Variants in MECOM observed in about 807,000 individuals in gnomAD.
The protein encoded by MECOM is histone-lysine N-methyltransferase MECOM.
MECOM carries 13 observed loss-of-function variants against 116.3 expected under a neutral mutation model. The ratio of observed to expected loss-of-function variants is 0.11; its 90% CI spans 0.07 to 0.18. The LOEUF (loss-of-function observed/expected upper bound fraction) is 0.18, where lower values mean the gene tolerates loss of function less well. Among genes scored for constraint, MECOM ranks in the 10% least tolerant of loss-of-function variants. MECOM has a pLI of 1.00. For synonymous variants in MECOM, 528 were observed against 535.2 expected, an observed-to-expected ratio of 0.99 and a Z score of 0.19; for missense variants, 1,299 against 1,509.0, an observed-to-expected ratio of 0.86 and a Z score of 2.31.
intron 2 of MECOM, among the ~76,000 whole-genome samples, chr3:169,355,931 G>C (rs2149814229): frequency 6.6e-6 from 1 of 151,798 alleles, no homozygotes; most frequent in South Asian, 2.1e-4. Context: ...TGTTTTTGAT[G>C]GGGATTTTTC....
intron 2 of MECOM, among the ~76,000 whole-genome samples, chr3:169,178,556 C>T (rs548937709): frequency 6.6e-6 from 1 of 152,186 alleles, no homozygotes; most frequent in African/African-American, 2.4e-5. Context: ...AGTTTCTGGC[C>T]ATCTATTTAG....
At chr3:169,252,405 G>A (rs532386793) in intron 2 of MECOM, among the ~76,000 whole-genome samples, 4 of 150,284 alleles carry the variant, frequency 2.7e-5, no homozygotes, top group East Asian at 3.9e-4. Context: ...GTTAGAAAAC[G>A]GAGATTTATG....
At chr3:169,472,393 A>G (rs1036585087) in intron 1 of MECOM, among the ~76,000 whole-genome samples, 2 of 148,568 alleles carry the variant, frequency 1.3e-5, no homozygotes, top group African/African-American at 5.0e-5. Context: ...AAAAAAAGGA[A>G]AAATAATAGA....
At chr3:169,138,422 A>T (rs184556561) in intron 3 of MECOM, among the ~76,000 whole-genome samples, 1 of 152,212 alleles carries the variant, frequency 6.6e-6, no homozygotes, top group East Asian at 1.9e-4. Context: ...ATGATGTAAA[A>T]ATCAAATGGC....
chr3:169,559,682 T>C (rs1312292582), intron 1 of MECOM, among the ~76,000 whole-genome samples: 1 of 152,172 alleles, frequency 6.6e-6, no homozygotes, highest in Non-Finnish European at 1.5e-5. Context: ...CTTCTCCTCA[T>C]TTTATAGACT....
At chr3:169,373,951 CTG>C (rs1165197497) in intron 2 of MECOM, among the ~76,000 whole-genome samples, 1 of 151,860 alleles carries the variant, frequency 6.6e-6, no homozygotes, top group Non-Finnish European at 1.5e-5. Flanking sequence ...GTGTTATAGA[CTG>C]AATGTGTGTG....
chr3:169,592,485 C>G (rs1221480998), intron 1 of MECOM, among the ~76,000 whole-genome samples: 1 of 152,182 alleles, frequency 6.6e-6, no homozygotes, highest in African/African-American at 2.4e-5. Flanking sequence ...TCCTTCCAGC[C>G]TTCTCCTCTA....
intron 2 of MECOM, among the ~76,000 whole-genome samples, chr3:169,272,534 A>G (rs918794653): frequency 2.0e-5 from 3 of 152,206 alleles, no homozygotes; most frequent in Non-Finnish European, 2.9e-5. Flanking sequence ...TTAAAGAAAC[A>G]TAATAGCAAA....
intron 2 of MECOM, among the ~76,000 whole-genome samples, chr3:169,310,475 G>A (rs1272632591): frequency 2.0e-5 from 3 of 152,160 alleles, no homozygotes; most frequent in Admixed American, 6.5e-5. Flanking sequence ...AATTATCATA[G>A]GCATTTTGGA....
At chr3:169,266,909 GA>G (rs1289340186) in intron 2 of MECOM, among the ~76,000 whole-genome samples, 3 of 150,950 alleles carry the variant, frequency 2.0e-5, no homozygotes, top group East Asian at 1.9e-4. Context: ...AGGAAGGAAA[GA>G]AAAAAAGAGG....
chr3:169,568,527 G>A (rs115877989), intron 1 of MECOM, among the ~76,000 whole-genome samples: 14,899 of 152,208 alleles, frequency 0.098, 1,007 homozygotes, highest in East Asian at 0.2. Flanking sequence ...TTTGAGCTTG[G>A]TGGGGGGAGG....
intron 2 of MECOM, chr3:169,269,215 C>T (rs1276526156): frequency 6.6e-6 from 1 of 152,108 alleles, no homozygotes; most frequent in Non-Finnish European, 1.5e-5. Context: ...TACACTGAGG[C>T]ATGGAGACTT....
chr3:169,653,287 C>G (rs1207223639), intron 1 of MECOM, among the ~76,000 whole-genome samples: 3 of 152,320 alleles, frequency 2.0e-5, no homozygotes, highest in Admixed American at 6.5e-5. Context: ...ATATTGATAT[C>G]TGCCATATGC....
At chr3:169,625,678 A>C (rs1055371802) in intron 1 of MECOM, among the ~76,000 whole-genome samples, 1 of 152,244 alleles carries the variant, frequency 6.6e-6, no homozygotes. Context: ...ACTTGCTATC[A>C]AATGTCTTCC....
At chr3:169,355,315 T>G (rs1727072702) in intron 2 of MECOM, among the ~76,000 whole-genome samples, 1 of 151,988 alleles carries the variant, frequency 6.6e-6, no homozygotes, top group Admixed American at 6.6e-5. Context: ...AGTTTCTCAT[T>G]GTATGTTAAT....
chr3:169,653,283 A>G (rs1484051184), intron 1 of MECOM, among the ~76,000 whole-genome samples: 2 of 152,360 alleles, frequency 1.3e-5, no homozygotes, highest in East Asian at 3.9e-4. Flanking sequence ...AATCATATTG[A>G]TATCTGCCAT....
chr3:169,509,764 T>C (rs1301591912), intron 1 of MECOM, among the ~76,000 whole-genome samples: 1 of 152,284 alleles, frequency 6.6e-6, no homozygotes, highest in Non-Finnish European at 1.5e-5. Flanking sequence ...CATCTGCCAA[T>C]GGGCATTTAG....
intron 2 of MECOM, among the ~76,000 whole-genome samples, chr3:169,315,260 C>T (rs1302906797): frequency 1.3e-5 from 2 of 152,200 alleles, no homozygotes; most frequent in Admixed American, 6.5e-5. Context: ...AAAATCAGCC[C>T]TGTAGTCCTT....
intron 2 of MECOM, among the ~76,000 whole-genome samples, chr3:169,343,057 C>A (rs529918942): frequency 6.6e-6 from 1 of 151,894 alleles, no homozygotes; most frequent in Non-Finnish European, 1.5e-5. Flanking sequence ...CAGAGGGAAA[C>A]GGGTATGAAA....
Sources: allele counts gnomAD v4.1 joint callset (sites outside exome capture counted in the v4.1 genomes callset), GRCh38; gene constraint gnomAD v4.1.1; transcripts MANE v1.5; gene names NCBI Gene and HGNC (gene_info 2026-07-23, HGNC 2026-07-21).